Variants in CNTN1 observed in about 807,000 individuals in gnomAD.
The protein encoded by CNTN1 is contactin 1, also known as contactin-1.
In CNTN1, 38 loss-of-function variants were observed where a neutral mutation model predicts 126.4. The ratio of observed to expected loss-of-function variants is 0.30; its 90% CI spans 0.23 to 0.39. CNTN1 has a LOEUF of 0.39. Ranked by LOEUF, CNTN1 falls within the 10% of genes least tolerant of loss-of-function variation. The probability of loss-of-function intolerance (pLI) is 1.00; values close to 1 mark genes in which losing one functional copy is unlikely to be tolerated. For synonymous variants in CNTN1, 413 were observed against 422.6 expected (o/e 0.98, Z 0.28); for missense variants, 1,009 against 1,248.4 (o/e 0.81, Z 2.89).
chr12:40,823,036 G>T (rs1941501397), intron 1 of CNTN1, among the ~76,000 whole-genome samples: 1 of 152,048 alleles, frequency 6.6e-6, no homozygotes, highest in East Asian at 1.9e-4. Context: ...ATGATGTAAT[G>T]GGGGTATATA....
intron 20 of CNTN1, among the ~76,000 whole-genome samples, chr12:41,023,513 C>T (rs1592420389): frequency 6.6e-6 from 1 of 152,220 alleles, no homozygotes; most frequent in South Asian, 2.1e-4. Context: ...GAACTTTGGG[C>T]TCTTGCCCAG....
intron 1 of CNTN1, among the ~76,000 whole-genome samples, chr12:40,759,805 T>C (rs1592056817): frequency 6.9e-6 from 1 of 145,780 alleles, no homozygotes; most frequent in Non-Finnish European, 1.5e-5. Flanking sequence ...AAAAAGCCAC[T>C]GTGGGACTGG....
intron 23 of CNTN1, among the ~76,000 whole-genome samples, chr12:41,053,653 G>A (rs1040014273): frequency 8.6e-5 from 13 of 150,400 alleles, no homozygotes; most frequent in South Asian, 4.2e-4. Context: ...GAAAACTGTC[G>A]TCATCAAGAA....
chr12:40,801,559 G>T lies in CNTN1; in HGVS notation c.-76-106798G>T, dbSNP rs1940655042. Among the ~76,000 whole-genome samples, 3 of 151,992 alleles carry T rather than the reference G, an allele frequency of 2.0e-5. No individual in the cohort carries two copies. The South Asian group carries it at 6.2e-4, about 32-fold the overall frequency. On this transcript the variant is annotated intron_variant, in intron 1 of 23. Coordinates refer to ENST00000551295, the MANE Select transcript of CNTN1 (RefSeq NM_001843.4). ...AAGATACAACCTCAAATATGAGACT[G>T]TTAGCCAAGTAAACATTTGGAGAAA...
At chr12:41,049,638 A>C (rs1949627571) in intron 23 of CNTN1, among the ~76,000 whole-genome samples, 2 of 152,330 alleles carry the variant, frequency 1.3e-5, no homozygotes, top group South Asian at 4.1e-4. Context: ...CCTACAATTC[A>C]TTCTTAATAT....
rs1265009965 is a variant in CNTN1, at chr12:40,855,764, C to A, written c.-76-52593C>A. Among the ~76,000 whole-genome samples the A allele has an allele frequency of 4.6e-5, 7 of 151,994 alleles. No individual in the cohort carries two copies. The East Asian group carries it at 1.3e-3, about 29-fold the overall frequency. The stretch of plus-strand genomic sequence containing the variant: ...ACAGACGGGCTTTTAAAATTTTAAT[C>A]CCTCTACCTTTGGGAGAATGTTACT... On this transcript the variant is annotated intron_variant, in intron 1 of 23. Coordinates refer to ENST00000551295, the MANE Select transcript of CNTN1 (RefSeq NM_001843.4).
chr12:40,957,339 G>C (rs1011265082), intron 14 of CNTN1, among the ~76,000 whole-genome samples: 1 of 151,864 alleles, frequency 6.6e-6, no homozygotes, highest in African/African-American at 2.4e-5. Context: ...GCAGAGCACT[G>C]GGAGAGGTGA....
intron 1 of CNTN1, among the ~76,000 whole-genome samples, chr12:40,704,717 C>T (rs1480140089): frequency 6.6e-6 from 1 of 152,080 alleles, no homozygotes; most frequent in Non-Finnish European, 1.5e-5. Context: ...GACTAAATCA[C>T]TAAGGAAAAG....
rs149435637 is a variant in CNTN1 at position 40,907,081 on chromosome 12, T to C, written c.-76-1276T>C. On this transcript the variant is annotated intron_variant, in intron 1 of 23. Coordinates refer to ENST00000551295, the MANE Select transcript of CNTN1 (RefSeq NM_001843.4). ...ACAATGATTTAATGTCTTTTCAAGA[T>C]GAAACCCCTATTGTGTCATTATTGA... Among the ~76,000 whole-genome samples, 477 of 152,316 alleles carry C rather than the reference T, an allele frequency of 3.1e-3. 3 individuals carry two copies. Among genetic ancestry groups the C allele is most frequent in the Admixed American group, 6.3e-3 (97 of 15,290 alleles).
chr12:40,809,739 C>A (rs1413346727), intron 1 of CNTN1, among the ~76,000 whole-genome samples: 1 of 151,518 alleles, frequency 6.6e-6, no homozygotes, highest in Non-Finnish European at 1.5e-5. Flanking sequence ...TTGCTTGAAC[C>A]CGGGGGGCAG....
At chr12:40,961,560 A>G (rs1488209636) in intron 15 of CNTN1, among the ~76,000 whole-genome samples, 1 of 152,024 alleles carries the variant, frequency 6.6e-6, no homozygotes, top group Non-Finnish European at 1.5e-5. Context: ...GTCTATGAAC[A>G]GGCTTTAAGG....
chr12:40,992,192 C>T (rs1383362363), intron 16 of CNTN1, among the ~76,000 whole-genome samples: 1 of 152,084 alleles, frequency 6.6e-6, no homozygotes, highest in African/African-American at 2.4e-5. Context: ...AAAATTATGG[C>T]AGGGTGAGAT....
At chr12:41,045,525 C>A (rs1435162629) in intron 23 of CNTN1, among the ~76,000 whole-genome samples, 1 of 152,168 alleles carries the variant, frequency 6.6e-6, no homozygotes, top group South Asian at 2.1e-4. Flanking sequence ...TTACTGGAAG[C>A]CTTTAATGCC....
chr12:41,069,111 C>A (rs966167439), intron 23 of CNTN1, among the ~76,000 whole-genome samples: 2 of 152,154 alleles, frequency 1.3e-5, no homozygotes, highest in Non-Finnish European at 2.9e-5. Flanking sequence ...ATTCTCATGT[C>A]GGCAGGACAC....
At chr12:41,060,232 G>A (rs1441959923) in intron 23 of CNTN1, among the ~76,000 whole-genome samples, 1 of 152,086 alleles carries the variant, frequency 6.6e-6, no homozygotes, top group Admixed American at 6.6e-5. Context: ...TGTGGTGGGG[G>A]ATGATTGCAA....
rs147611426 is a variant in CNTN1 at position 41,039,610 on chromosome 12, A to T, written c.2980+10391A>T. ...CATCCCAGTGGAGAGAGAGAAAAAG[A>T]GAATCATCTAGCAAAACTGAGAAAG... On this transcript the variant is annotated intron_variant, in intron 23 of 23. Transcript: ENST00000551295. Among the ~76,000 whole-genome samples the T allele has an allele frequency of 7.6e-3, 1,152 of 152,310 alleles. 9 individuals are homozygous for T. The highest frequency in any genetic ancestry group is 0.014 in the Middle Eastern group (4 of 294).
At chr12:41,002,464 A>T (rs1414278144) in intron 17 of CNTN1, among the ~76,000 whole-genome samples, 1 of 151,960 alleles carries the variant, frequency 6.6e-6, no homozygotes, top group African/African-American at 2.4e-5. Context: ...TAGGAATGCT[A>T]GAGATTTTCC....
chr12:41,047,411 T>C (rs1204801072), intron 23 of CNTN1, among the ~76,000 whole-genome samples: 1 of 152,178 alleles, frequency 6.6e-6, no homozygotes, highest in African/African-American at 2.4e-5. Flanking sequence ...CTCTCCCTGA[T>C]GACATTGCTC....
At chr12:40,852,028 G>T (rs1249708633) in intron 1 of CNTN1, among the ~76,000 whole-genome samples, 5 of 152,156 alleles carry the variant, frequency 3.3e-5, no homozygotes, top group Admixed American at 1.3e-4. Context: ...GCTTGAACTG[G>T]ACAGGAGCTG....
Sources: gnomAD v4.1 joint callset for allele counts (sites outside exome capture counted in the v4.1 genomes callset) on GRCh38, gnomAD v4.1.1 for gene constraint, MANE v1.5 for transcripts, NCBI Gene and HGNC (gene_info 2026-07-23, HGNC 2026-07-21) for gene names.